MINDY2: variants seen among roughly 807,000 people sequenced by gnomAD.
The protein encoded by MINDY2 is MINDY lysine 48 deubiquitinase 2, also known as ubiquitin carboxyl-terminal hydrolase MINDY-2.
MINDY2 carries 52 observed loss-of-function variants against 68.2 expected under a neutral mutation model. The ratio of observed to expected loss-of-function variants is 0.76; its 90% CI spans 0.61 to 0.96. The LOEUF (loss-of-function observed/expected upper bound fraction) is 0.96, where lower values mean the gene tolerates loss of function less well. MINDY2 is among the 40% of genes least tolerant of loss of function. MINDY2 has a pLI of 0.00. For synonymous variants in MINDY2, 372 were observed against 303.0 expected (o/e 1.23, Z -2.36); for missense variants, 881 against 773.4 (o/e 1.14, Z -1.65).
At chr15:58,846,319 C>T (rs1368178523) in intron 6 of MINDY2, among the ~76,000 whole-genome samples, 1 of 152,058 alleles carries the variant, frequency 6.6e-6, no homozygotes, top group East Asian at 1.9e-4. Context: ...GTAGGCCAGG[C>T]GCGGTGGCTC....
chr15:58,776,906 A>G (rs1190070575), intron 1 of MINDY2, among the ~76,000 whole-genome samples: 2 of 152,116 alleles, frequency 1.3e-5, no homozygotes, highest in Non-Finnish European at 2.9e-5. Context: ...TGAAAATTGA[A>G]GCCTCATATT....
rs1378879337 is a variant in MINDY2, at chr15:58,858,984, T to C, written c.*4374T>C. The C allele has an allele frequency of 6.6e-6, 1 of 152,140 alleles. No homozygotes were observed. Among genetic ancestry groups the C allele is most frequent in the Non-Finnish European group, 1.5e-5 (1 of 67,952 alleles). The allele number at this position is 152,140 out of a possible 1,614,324, so 9.4% of individuals were successfully genotyped here. A position where few individuals can be genotyped will look rare whatever the true frequency, so the allele number is the denominator to read the frequency against. ...GTTTTGCACTCCTGAATAAAGGGCA[T>C]AGTATAAGCACAAAGTATGACTTAA... On this transcript the variant is annotated 3_prime_UTR_variant, in exon 9 of 9. Transcript: ENST00000559228.
intron 2 of MINDY2, among the ~76,000 whole-genome samples, chr15:58,800,114 A>G (rs985367442): frequency 2.6e-5 from 4 of 152,144 alleles, no homozygotes; most frequent in African/African-American, 7.2e-5. Context: ...CTTTTTTCCA[A>G]ATGTTCACCT....
intron 6 of MINDY2, among the ~76,000 whole-genome samples, chr15:58,843,458 G>A (rs1365292742): frequency 1.3e-5 from 2 of 152,124 alleles, no homozygotes; most frequent in African/African-American, 4.8e-5. Flanking sequence ...ACCTAGAGAT[G>A]TTAAGTAATT....
intron 5 of MINDY2, among the ~76,000 whole-genome samples, chr15:58,828,137 A>G (rs1391764243): frequency 6.6e-6 from 1 of 151,542 alleles, no homozygotes; most frequent in Admixed American, 6.6e-5. Flanking sequence ...CAGTCTGGAA[A>G]CGGAGTGAGA....
intron 2 of MINDY2, among the ~76,000 whole-genome samples, chr15:58,789,290 A>C (rs1436627431): frequency 6.6e-6 from 1 of 152,018 alleles, no homozygotes; most frequent in Non-Finnish European, 1.5e-5. Flanking sequence ...GTGAGCCGAG[A>C]TTGCACCACT....
At chr15:58,844,866 G>A (rs528679227) in intron 6 of MINDY2, among the ~76,000 whole-genome samples, 10 of 126,410 alleles carry the variant, frequency 7.9e-5, no homozygotes, top group African/African-American at 2.7e-4. Flanking sequence ...AGTGAGCCAA[G>A]ATCACACCAC....
intron 6 of MINDY2, among the ~76,000 whole-genome samples, chr15:58,841,997 C>T (rs1181465531): frequency 6.6e-6 from 1 of 151,584 alleles, no homozygotes; most frequent in Non-Finnish European, 1.5e-5. Context: ...TTTTTATGGC[C>T]CTCCTTCACC....
rs1391580582 is a variant in MINDY2, at chr15:58,860,232, C to T, written c.*5622C>T. ...AAACAAAATGTTTTGGAAGGTGATC[C>T]TGGCTCCTTTGGCTCTCATAATTGT... On this transcript the variant is annotated 3_prime_UTR_variant, in exon 9 of 9. Transcript: ENST00000559228. 2.0e-5 allele frequency: 3 copies of T among 152,182 alleles called. No individual in the cohort carries two copies. The highest frequency in any genetic ancestry group is 7.2e-5 in the African/African-American group (3 of 41,438). 9.4% of individuals were successfully genotyped at this position (152,182 alleles called of 1,614,324 possible).
chr15:58,772,369 C>G, intron 1 of MINDY2, 134 bp downstream of exon 1: 2 of 1,336,992 alleles, frequency 1.5e-6, no homozygotes, highest in Non-Finnish European at 2.0e-6. Context: ...AAATTCATTC[C>G]AAGACTTCCA....
At chr15:58,778,137 TAGAA>T (rs1363898913) in intron 1 of MINDY2, among the ~76,000 whole-genome samples, 1 of 152,134 alleles carries the variant, frequency 6.6e-6, no homozygotes, top group African/African-American at 2.4e-5. Context: ...TTTTTTATTT[TAGAA>T]AGAATGTTAT....
intron 5 of MINDY2, among the ~76,000 whole-genome samples, chr15:58,824,349 G>T (rs1156534552): frequency 6.6e-6 from 1 of 152,048 alleles, no homozygotes; most frequent in Non-Finnish European, 1.5e-5. Context: ...AGCAAAGAAA[G>T]AAACCCTCTA....
rs766580169 is a variant in MINDY2, at chr15:58,857,842, A to C, written c.*3232A>C. On this transcript the variant is annotated 3_prime_UTR_variant, in exon 9 of 9. Transcript: ENST00000559228. ...GGCAGATGAATGAACAAATATGGTCATTGCACTTTCCTTTTACTTTCAGAG... is the reference window on the plus strand; with the variant it reads ...GGCAGATGAATGAACAAATATGGTCCTTGCACTTTCCTTTTACTTTCAGAG... 6.8e-4 allele frequency: 103 copies of C among 152,366 alleles called. 2 individuals are homozygous for C. Among genetic ancestry groups the C allele is most frequent in the Non-Finnish European group, 3.1e-4 (21 of 68,030 alleles). 9.4% of individuals were successfully genotyped at this position (152,366 alleles called of 1,614,324 possible).
chr15:58,779,883 C>T (rs1372224331), intron 1 of MINDY2, among the ~76,000 whole-genome samples: 1 of 152,118 alleles, frequency 6.6e-6, no homozygotes, highest in Admixed American at 6.6e-5. Flanking sequence ...TAGTTAAAAA[C>T]CTTCTCACTC....
intron 5 of MINDY2, among the ~76,000 whole-genome samples, chr15:58,828,616 C>T (rs1039085531): frequency 5.4e-5 from 7 of 130,488 alleles, no homozygotes; most frequent in Middle Eastern, 5.3e-3. Flanking sequence ...GGCTGGAGTG[C>T]AGTGGTGCGA....
intron 1 of MINDY2, among the ~76,000 whole-genome samples, chr15:58,773,497 G>A (rs1431548427): frequency 1.3e-5 from 2 of 152,210 alleles, no homozygotes; most frequent in Non-Finnish European, 1.5e-5. Context: ...AGGCTGTCAA[G>A]CTGTTTGAGG....
At chr15:58,831,730 T>G (rs773018968) in intron 5 of MINDY2, 44 bp from the exon 6 acceptor site, 2 of 1,546,950 alleles carry the variant, frequency 1.3e-6, no homozygotes, top group East Asian at 2.3e-5. Context: ...ACTTTTTGAT[T>G]TTGAAATTAT....
At chr15:58,853,795 T>C (rs1356116302) in intron 8 of MINDY2, among the ~76,000 whole-genome samples, 3 of 125,942 alleles carry the variant, frequency 2.4e-5, no homozygotes, top group African/African-American at 6.3e-5. Context: ...CACTCCAGCC[T>C]AACAGAGTGA....
intron 4 of MINDY2, among the ~76,000 whole-genome samples, chr15:58,816,020 C>G (rs189977969): frequency 3.3e-5 from 5 of 152,312 alleles, no homozygotes; most frequent in Admixed American, 1.3e-4. Context: ...TCATCTCCCA[C>G]TAGAATATAG....
Sources: gnomAD v4.1 joint callset for allele counts (sites outside exome capture counted in the v4.1 genomes callset) on GRCh38, gnomAD v4.1.1 for gene constraint, MANE v1.5 for transcripts, NCBI Gene and HGNC (gene_info 2026-07-23, HGNC 2026-07-21) for gene names.